Variants in GRIK3 observed in about 807,000 individuals in gnomAD.
GRIK3 encodes glutamate receptor ionotropic, kainate 3.
In GRIK3, 29 loss-of-function variants were observed where a neutral mutation model predicts 102.5. The observed-to-expected ratio is 0.28, with a 90% CI of 0.21 to 0.39. The LOEUF (loss-of-function observed/expected upper bound fraction) is 0.39. GRIK3 is among the 10% of genes least tolerant of loss of function. GRIK3 has a pLI of 1.00. For synonymous variants in GRIK3, 511 were observed against 504.9 expected (o/e 1.01, Z -0.16); for missense variants, 908 against 1,252.4 (o/e 0.73, Z 4.15).
chr1:36,903,500 A>T (rs1641253261), intron 1 of GRIK3, among the ~76,000 whole-genome samples: 1 of 152,274 alleles, frequency 6.6e-6, no homozygotes, highest in Non-Finnish European at 1.5e-5. Flanking sequence ...ATATGTCCAC[A>T]CAAAAGCCTG....
chr1:36,846,865 A>G (rs1640525062), intron 9 of GRIK3, among the ~76,000 whole-genome samples: 1 of 151,972 alleles, frequency 6.6e-6, no homozygotes, highest in African/African-American at 2.4e-5. Context: ...TCCTCAGGAG[A>G]CTCCAAGGAC....
chr1:36,882,252 C>T (rs934727541), intron 2 of GRIK3, among the ~76,000 whole-genome samples: 7 of 152,150 alleles, frequency 4.6e-5, no homozygotes, highest in African/African-American at 9.7e-5. Flanking sequence ...GAATGAATGC[C>T]GAATCCCTGC....
intron 1 of GRIK3, among the ~76,000 whole-genome samples, chr1:36,904,249 G>A (rs531635118): frequency 1.2e-4 from 18 of 152,252 alleles, no homozygotes; most frequent in Non-Finnish European, 1.8e-4. Flanking sequence ...AAGTGTGTAC[G>A]CGTGTGCATC....
Position 36,859,106 on chromosome 1 carries a change from ACC to A in GRIK3, c.1104_1104+1del. On this transcript the variant is annotated splice_donor_variant and coding_sequence_variant, in exon 7 of 16. Coordinates refer to ENST00000373091, the MANE Select transcript of GRIK3 (RefSeq NM_000831.4). LOFTEE classifies it high-confidence loss of function. ...CACTGGTGGGGGCTGTGGGGCACTC[ACC>A]TCCTTGATGAAGTTCATGAAGCGGC... is the stretch of plus-strand genomic sequence containing the variant. 6.2e-7 allele frequency: 1 copy of A among 1,604,502 alleles called. No homozygotes were observed. Among genetic ancestry groups the A allele is most frequent in the Non-Finnish European group, 8.5e-7 (1 of 1,173,204 alleles).
chr1:36,902,193 A>G (rs1027965047), intron 1 of GRIK3, among the ~76,000 whole-genome samples: 23 of 152,214 alleles, frequency 1.5e-4, no homozygotes, highest in Non-Finnish European at 3.1e-4. Flanking sequence ...TCCCAATCAA[A>G]ATCTCAGCAA....
chr1:36,999,215 T>C (rs967565736), intron 1 of GRIK3, among the ~76,000 whole-genome samples: 1 of 151,774 alleles, frequency 6.6e-6, no homozygotes, highest in African/African-American at 2.4e-5. Context: ...CAGGGAGGGA[T>C]GTTCAGGAGC....
rs1001652192 is a variant in GRIK3, at chr1:36,959,710, T to C, written c.116-68614A>G. Among the ~76,000 whole-genome samples the C allele has an allele frequency of 1.1e-4, 14 of 124,324 alleles. 1 individual carries two copies. Among genetic ancestry groups the C allele is most frequent in the African/African-American group, 3.9e-4 (14 of 36,028 alleles). The allele number at this position is 124,324 out of a possible 152,430, so 81.6% of individuals were successfully genotyped here. ...TGACTCTGTGCCCCTTGAGCCTGTG[T>C]GCTTTGTGAGTCGGTGTGTCCCATG... On this transcript the variant is annotated intron_variant, in intron 1 of 15. Transcript: ENST00000373091.
intron 9 of GRIK3, among the ~76,000 whole-genome samples, chr1:36,843,880 G>A (rs115741322): frequency 6.0e-4 from 91 of 152,364 alleles, no homozygotes; most frequent in African/African-American, 2.1e-3. Context: ...TGCATGCCCA[G>A]ATTAAGGCAC....
At chr1:37,010,932 G>A (rs1416977339) in intron 1 of GRIK3, among the ~76,000 whole-genome samples, 4 of 151,922 alleles carry the variant, frequency 2.6e-5, no homozygotes, top group South Asian at 2.1e-4. Context: ...TAGTAGAGAC[G>A]GGGTTTCACC....
chr1:36,961,677 G>C (rs1476855903), intron 1 of GRIK3, among the ~76,000 whole-genome samples: 1 of 152,244 alleles, frequency 6.6e-6, no homozygotes, highest in Non-Finnish European at 1.5e-5. Context: ...TGAATGTCTC[G>C]AGATGGCAGA....
At chr1:36,851,502 G>C (rs1640584925) in intron 8 of GRIK3, among the ~76,000 whole-genome samples, 1 of 152,384 alleles carries the variant, frequency 6.6e-6, no homozygotes, top group South Asian at 2.1e-4. Flanking sequence ...AGCTCACTTT[G>C]AGCGTGCCTA....
At chr1:36,953,141 C>T (rs953890332) in intron 1 of GRIK3, among the ~76,000 whole-genome samples, 8 of 152,240 alleles carry the variant, frequency 5.3e-5, no homozygotes. Context: ...AGACACAACA[C>T]TTCACTGCTA....
chr1:36,859,158 G>A lies in GRIK3; in HGVS notation c.1054C>T (p.Arg352Trp). The part of the protein sequence containing the change: ...QMTVNSLQCH[R>W]HKAWRFGGRF... Reference sequence around the variant, plus strand: ...CCGCCAAAGCGCCAGGCCTTGTGCCGATGGCACTGCAGGGAGTTCACGGTC... The same window carrying A: ...CCGCCAAAGCGCCAGGCCTTGTGCCAATGGCACTGCAGGGAGTTCACGGTC... The change falls in exon 7 of 16, where the codon CGG becomes TGG. Residue 352 changes from arginine (R) to tryptophan (W), a missense_variant. Coordinates refer to ENST00000373091, the MANE Select transcript of GRIK3 (RefSeq NM_000831.4). 2 of 1,613,620 alleles carry A rather than the reference G, an allele frequency of 1.2e-6. No individual in the cohort carries two copies. The highest frequency in any genetic ancestry group is 2.2e-5 in the East Asian group (1 of 44,880).
At chr1:36,928,967 C>T (rs1641559275) in intron 1 of GRIK3, among the ~76,000 whole-genome samples, 1 of 152,188 alleles carries the variant, frequency 6.6e-6, no homozygotes, top group South Asian at 2.1e-4. Flanking sequence ...ATGAGAATGA[C>T]TCATGTTTAT....
rs535190861 is a variant in GRIK3, at chr1:36,798,385, G to A, written c.*3466C>T. 9 of 152,332 alleles carry A rather than the reference G, an allele frequency of 5.9e-5. No individual in the cohort carries two copies. The highest frequency in any genetic ancestry group is 5.8e-4 in the East Asian group (3 of 5,186). The allele number at this position is 152,332 out of a possible 1,614,324, so 9.4% of individuals were successfully genotyped here. On this transcript the variant is annotated 3_prime_UTR_variant, in exon 16 of 16. Transcript: ENST00000373091. The stretch of plus-strand genomic sequence containing the variant: ...GACAGTCCAGCATCTGCTCAGGCAG[G>A]TTCCTTCTTCTGCTCCATCCAAGCA...
At chr1:36,980,705 C>T (rs1239116908) in intron 1 of GRIK3, among the ~76,000 whole-genome samples, 2 of 151,976 alleles carry the variant, frequency 1.3e-5, no homozygotes, top group Non-Finnish European at 2.9e-5. Context: ...CCTACCCAGT[C>T]CCACACATGG....
At chr1:36,898,445 C>T (rs1021150611) in intron 1 of GRIK3, among the ~76,000 whole-genome samples, 2 of 152,014 alleles carry the variant, frequency 1.3e-5, no homozygotes, top group African/African-American at 4.8e-5. Flanking sequence ...TCATGAACCT[C>T]ATAAATATAT....
chr1:36,972,777 T>G (rs963197944), intron 1 of GRIK3, among the ~76,000 whole-genome samples: 2 of 152,176 alleles, frequency 1.3e-5, no homozygotes, highest in African/African-American at 4.8e-5. Context: ...GAAAAGTGAC[T>G]CACCCAATGT....
intron 1 of GRIK3, among the ~76,000 whole-genome samples, chr1:36,898,117 G>A (rs1183337566): frequency 6.6e-6 from 1 of 152,058 alleles, no homozygotes; most frequent in Admixed American, 6.6e-5. Flanking sequence ...ATGGTAACCA[G>A]AGGCTGGGAA....
Sources: gnomAD v4.1 joint callset for allele counts (sites outside exome capture counted in the v4.1 genomes callset) on GRCh38, gnomAD v4.1.1 for gene constraint, MANE v1.5 for transcripts, NCBI Gene and HGNC (gene_info 2026-07-23, HGNC 2026-07-21) for gene names.